Variants in NBEAL1 observed in about 807,000 individuals in gnomAD.
NBEAL1 encodes the protein neurobeachin like 1.
In NBEAL1, 273 loss-of-function variants were observed where a neutral mutation model predicts 351.3. The ratio of observed to expected loss-of-function variants is 0.78; its 90% CI spans 0.70 to 0.86. The LOEUF (loss-of-function observed/expected upper bound fraction) is 0.86, where lower values mean the gene tolerates loss of function less well. Among genes scored for constraint, NBEAL1 ranks in the 40% least tolerant of loss-of-function variants. NBEAL1 has a pLI of 0.00. For missense variants in NBEAL1, 2,961 were observed against 3,201.3 expected, an observed-to-expected ratio of 0.92 and a Z score of 1.81; for synonymous variants, 1,050 against 1,086.4, an observed-to-expected ratio of 0.97 and a Z score of 0.66.
rs370549594 is a variant in NBEAL1 at position 203,021,602 on chromosome 2, A to G, written c.51+5167A>G. 1.6e-4 allele frequency among the ~76,000 whole-genome samples: 24 copies of G among 152,120 alleles called. No homozygotes were observed. The East Asian group carries it at 2.5e-3, about 16-fold the overall frequency. ...AGAGTGAGACCCCATTTAAAAAAAA[A>G]AAATTAGTTTATATATATGTAGTAG... On this transcript the variant is annotated intron_variant, in intron 2 of 55. Coordinates refer to ENST00000683969, the MANE Select transcript of NBEAL1 (RefSeq NM_001378026.1).
chr2:203,069,101 A>G (rs925779148), intron 7 of NBEAL1, among the ~76,000 whole-genome samples: 7 of 152,182 alleles, frequency 4.6e-5, no homozygotes, highest in Non-Finnish European at 7.3e-5. Context: ...GCCCCTATAT[A>G]TGTGACTTAT....
rs772971933 is a variant in NBEAL1 at position 203,136,257 on chromosome 2, AATTGCTT to A, written c.4389+9_4389+15del. 1 of 1,545,578 alleles carries A rather than the reference AATTGCTT, an allele frequency of 6.5e-7. No homozygotes were observed. Among genetic ancestry groups the A allele is most frequent in the Admixed American group, 2.2e-5 (1 of 46,086 alleles). ...TCTTTACTTGAAAGCCAAGAGGTAA[AATTGCTT>A]ATTTTTCCAAATGTTGTTTTTATTT... On this transcript the variant is annotated splice_donor_region_variant and intron_variant, in intron 28 of 55. Coordinates refer to ENST00000683969, the MANE Select transcript of NBEAL1 (RefSeq NM_001378026.1).
At chr2:203,032,914 C>T (rs1296800352) in intron 2 of NBEAL1, among the ~76,000 whole-genome samples, 1 of 151,724 alleles carries the variant, frequency 6.6e-6, no homozygotes, top group Admixed American at 6.6e-5. Flanking sequence ...ATCCACCTAC[C>T]TTGGCCTCCC....
chr2:203,031,760 A>G (rs189534130), intron 2 of NBEAL1, among the ~76,000 whole-genome samples: 1 of 152,364 alleles, frequency 6.6e-6, no homozygotes, highest in Admixed American at 6.5e-5. Flanking sequence ...TGGTAGCTAC[A>G]GAATTACTTA....
intron 17 of NBEAL1, among the ~76,000 whole-genome samples, chr2:203,114,065 G>A (rs192688755): frequency 3.2e-4 from 48 of 152,058 alleles, no homozygotes; most frequent in African/African-American, 1.2e-3. Context: ...CTTGTGATCC[G>A]CCCACCTCAG....
intron 4 of NBEAL1, among the ~76,000 whole-genome samples, chr2:203,052,874 C>T (rs2061346338): frequency 1.3e-5 from 2 of 152,032 alleles, no homozygotes; most frequent in Non-Finnish European, 2.9e-5. Context: ...GCATGAACCA[C>T]CGCACCTGGT....
At chr2:203,031,845 T>C (rs559983418) in intron 2 of NBEAL1, among the ~76,000 whole-genome samples, 1 of 152,208 alleles carries the variant, frequency 6.6e-6, no homozygotes, top group Non-Finnish European at 1.5e-5. Flanking sequence ...GTAGCCAGTC[T>C]TCAGATTCTA....
Position 203,132,048 on chromosome 2 carries a change from T to C in NBEAL1, c.3640T>C (p.Tyr1214His), listed in dbSNP as rs2063085904. 1 of 1,554,626 alleles carries C rather than the reference T, an allele frequency of 6.4e-7. No individual in the cohort carries two copies. The stretch of plus-strand genomic sequence containing the variant: ...ACATATTCGACTCAGAGAAGTTGGC[T>C]ACTCGGGACTGGGACTCCTTCTTAA... ...KQHIRLREVGYSGLGLLLNEA... is the reference protein window; with the variant it reads ...KQHIRLREVGHSGLGLLLNEA... Residue 1214 changes from tyrosine (Y) to histidine (H), a missense_variant, in exon 26 of 56, where the codon TAC (tyrosine) becomes CAC (histidine). Tyr to His is a moderately conservative substitution (Grantham distance 83). Coordinates refer to ENST00000683969, the MANE Select transcript of NBEAL1 (RefSeq NM_001378026.1).
At chr2:203,091,347 T>G (rs1159866198) in intron 10 of NBEAL1, among the ~76,000 whole-genome samples, 1 of 152,236 alleles carries the variant, frequency 6.6e-6, no homozygotes, top group South Asian at 2.1e-4. Flanking sequence ...AATATTCCAT[T>G]GTATGTATAT....
intron 34 of NBEAL1, among the ~76,000 whole-genome samples, chr2:203,150,654 A>G (rs1037584617): frequency 2.0e-5 from 3 of 152,056 alleles, no homozygotes; most frequent in Non-Finnish European, 4.4e-5. Flanking sequence ...GTCCAAGGTC[A>G]TGAAGTTTTA....
intron 35 of NBEAL1, 54 bp from the exon 36 acceptor site, chr2:203,157,645 G>A: frequency 1.5e-6 from 2 of 1,348,082 alleles, no homozygotes; most frequent in South Asian, 3.2e-5. Context: ...TTACAGAAAG[G>A]CTATAATATT....
intron 31 of NBEAL1, among the ~76,000 whole-genome samples, chr2:203,144,331 C>T (rs980213769): frequency 1.3e-5 from 2 of 151,902 alleles, no homozygotes; most frequent in African/African-American, 2.4e-5. Flanking sequence ...GGGAATTGCA[C>T]TTTGAGAAAA....
At chr2:203,151,951 TTTTTC>T (rs913402231) in intron 35 of NBEAL1, among the ~76,000 whole-genome samples, 3 of 151,976 alleles carry the variant, frequency 2.0e-5, no homozygotes, top group Admixed American at 1.3e-4. Flanking sequence ...GCAATCCTTT[TTTTTC>T]TTTTCTTTTC....
chr2:203,214,630 C>A (rs2065867745), intron 55 of NBEAL1, among the ~76,000 whole-genome samples: 1 of 152,004 alleles, frequency 6.6e-6, no homozygotes, highest in Admixed American at 6.6e-5. Flanking sequence ...CAAAAATTAG[C>A]CGGGTGTGGT....
chr2:203,211,824 T>C (rs1344100615), intron 54 of NBEAL1, among the ~76,000 whole-genome samples: 2 of 152,172 alleles, frequency 1.3e-5, no homozygotes, highest in Non-Finnish European at 2.9e-5. Context: ...AAAATTGTTA[T>C]GGGGATCTGT....
rs781147771 is a variant in NBEAL1, at chr2:203,138,238, G to T, written c.4642G>T (p.Ala1548Ser). 6.2e-7 allele frequency: 1 copy of T among 1,613,972 alleles called. No homozygotes were observed. The highest frequency in any genetic ancestry group is 1.1e-5 in the South Asian group (1 of 91,072). The stretch of plus-strand genomic sequence containing the variant: ...AACTAATCCAGTAACTGCTGAAAAC[G>T]CCTTCCGACTAGTGCTGATCATACA... The part of the protein sequence containing the change: ...AKTNPVTAEN[A>S]FRLVLIIQDF... Residue 1548 changes from alanine to serine, a missense_variant, in exon 30 of 56, where the codon GCC becomes TCC. Transcript: ENST00000683969.
chr2:203,179,801 C>CA (rs1481807402), intron 42 of NBEAL1, among the ~76,000 whole-genome samples: 2 of 151,208 alleles, frequency 1.3e-5, no homozygotes, highest in East Asian at 3.9e-4. Flanking sequence ...TTTTTTGAGA[C>CA]AGAGTCTTGC....
intron 33 of NBEAL1, among the ~76,000 whole-genome samples, chr2:203,148,241 A>G (rs950591119): frequency 3.3e-5 from 5 of 152,068 alleles, no homozygotes; most frequent in African/African-American, 1.2e-4. Context: ...CTCATTTTAC[A>G]CATGAGAGGA....
chr2:203,065,627 C>G (rs2061570721), intron 6 of NBEAL1, among the ~76,000 whole-genome samples: 1 of 152,120 alleles, frequency 6.6e-6, no homozygotes, highest in African/African-American at 2.4e-5. Context: ...TGGCGGGCGC[C>G]TGTAGTCCCA....
Sources: gnomAD v4.1 joint callset for allele counts (sites outside exome capture counted in the v4.1 genomes callset) on GRCh38, gnomAD v4.1.1 for gene constraint, MANE v1.5 for transcripts, NCBI Gene and HGNC (gene_info 2026-07-23, HGNC 2026-07-21) for gene names.